ZNF804A: variants seen among roughly 807,000 people sequenced by gnomAD.
The protein encoded by ZNF804A is zinc finger protein 804A.
Under a neutral mutation model 16.5 loss-of-function variants are expected in ZNF804A, and 2 were observed. The ratio of observed to expected loss-of-function variants is 0.12; its 90% CI spans 0.05 to 0.38. The LOEUF is 0.38. Ranked by LOEUF, ZNF804A falls within the 10% of genes least tolerant of loss-of-function variation. The probability of loss-of-function intolerance (pLI) is 0.99; values close to 1 mark genes in which losing one functional copy is unlikely to be tolerated. For synonymous variants in ZNF804A, 534 were observed against 489.6 expected (o/e 1.09, Z -1.20); for missense variants, 1,473 against 1,390.7 (o/e 1.06, Z -0.94).
intron 1 of ZNF804A, among the ~76,000 whole-genome samples, chr2:184,821,194 T>C (rs892711873): frequency 6.6e-6 from 1 of 152,124 alleles, no homozygotes; most frequent in Non-Finnish European, 1.5e-5. Context: ...CCAAACAGCA[T>C]GGTACTGGTA....
At chr2:184,706,701 A>G (rs1055128214) in intron 1 of ZNF804A, among the ~76,000 whole-genome samples, 3 of 152,164 alleles carry the variant, frequency 2.0e-5, no homozygotes, top group Non-Finnish European at 4.4e-5. Context: ...TTAGGACTAC[A>G]TATTAGACCA....
chr2:184,890,444 G>A (rs1684963080), intron 2 of ZNF804A, among the ~76,000 whole-genome samples: 1 of 152,020 alleles, frequency 6.6e-6, no homozygotes, highest in Non-Finnish European at 1.5e-5. Flanking sequence ...AAAGTGAAGT[G>A]AGTTCAGTTT....
intron 1 of ZNF804A, among the ~76,000 whole-genome samples, chr2:184,753,591 T>G (rs988828158): frequency 5.9e-5 from 9 of 151,840 alleles, no homozygotes; most frequent in African/African-American, 2.2e-4. Flanking sequence ...TGGAATCTAA[T>G]AGGTGTCCTA....
At chr2:184,721,491 A>T (rs1036048722) in intron 1 of ZNF804A, among the ~76,000 whole-genome samples, 1 of 152,170 alleles carries the variant, frequency 6.6e-6, no homozygotes, top group African/African-American at 2.4e-5. Flanking sequence ...AATGCTTAAC[A>T]TCACTAGTCA....
At chr2:184,645,172 A>C (rs1444380801) in intron 1 of ZNF804A, among the ~76,000 whole-genome samples, 1 of 152,092 alleles carries the variant, frequency 6.6e-6, no homozygotes, top group African/African-American at 2.4e-5. Context: ...AAGTAACACA[A>C]TTATTTCTAT....
chr2:184,600,718 C>A (rs968558236), intron 1 of ZNF804A, among the ~76,000 whole-genome samples: 5 of 152,054 alleles, frequency 3.3e-5, no homozygotes, highest in Admixed American at 2.0e-4. Context: ...AAGTTATTTT[C>A]CAAACCTCAA....
At chr2:184,611,272 A>G (rs1691233583) in intron 1 of ZNF804A, among the ~76,000 whole-genome samples, 1 of 152,126 alleles carries the variant, frequency 6.6e-6, no homozygotes, top group Non-Finnish European at 1.5e-5. Flanking sequence ...ATTTCAACAT[A>G]TACTTTTTTT....
chr2:184,937,656 G>A lies in ZNF804A; in HGVS notation c.2260G>A (p.Val754Ile). ...DMKHMSQNQA[V>I]KRGYNSVMNE... ...GAAACACATGAGTCAGAATCAGGCTGTTAAAAGAGGTTACAATTCTGTCAT... is the reference window on the plus strand; with the variant it reads ...GAAACACATGAGTCAGAATCAGGCTATTAAAAGAGGTTACAATTCTGTCAT... Residue 754 changes from valine (V) to isoleucine (I), a missense_variant, in exon 4 of 4, where the codon GTT becomes ATT. Transcript: ENST00000302277. 4 of 1,614,006 alleles carry A rather than the reference G, an allele frequency of 2.5e-6. No individual in the cohort carries two copies. The highest frequency in any genetic ancestry group is 1.7e-4 in the Middle Eastern group (1 of 6,060).
intron 1 of ZNF804A, among the ~76,000 whole-genome samples, chr2:184,849,998 A>G (rs1180242408): frequency 6.6e-6 from 1 of 151,966 alleles, no homozygotes; most frequent in Non-Finnish European, 1.5e-5. Context: ...TCTCACTCAT[A>G]TGTAGAACCT....
chr2:184,893,269 C>G (rs1052437716), intron 2 of ZNF804A, among the ~76,000 whole-genome samples: 22 of 151,920 alleles, frequency 1.4e-4, no homozygotes, highest in Non-Finnish European at 2.6e-4. Flanking sequence ...GGTAAGGTAA[C>G]TTGATTTAGT....
intron 1 of ZNF804A, among the ~76,000 whole-genome samples, chr2:184,718,209 T>C (rs1276934193): frequency 6.6e-6 from 1 of 151,460 alleles, no homozygotes; most frequent in East Asian, 2.0e-4. Context: ...CATCAGATCT[T>C]GTGAGACTCA....
At chr2:184,858,452 C>T (rs1421188879) in intron 1 of ZNF804A, among the ~76,000 whole-genome samples, 14 of 149,474 alleles carry the variant, frequency 9.4e-5, no homozygotes, top group African/African-American at 3.2e-4. Context: ...TGCAGTGAGC[C>T]GAGATCGCGC....
chr2:184,939,110 T>G lies in ZNF804A; in HGVS notation c.*84T>G. Reference sequence around the variant, plus strand: ...GTTCATCTATGTGGGTACATGGCTATTTAACTGGTGGAAATAAACTGGCCG... The same window carrying G: ...GTTCATCTATGTGGGTACATGGCTAGTTAACTGGTGGAAATAAACTGGCCG... On this transcript the variant is annotated 3_prime_UTR_variant, in exon 4 of 4. Coordinates refer to ENST00000302277, the MANE Select transcript of ZNF804A (RefSeq NM_194250.2). 1 of 1,505,490 alleles carries G rather than the reference T, an allele frequency of 6.6e-7. No individual in the cohort carries two copies. The highest frequency in any genetic ancestry group is 8.9e-7 in the Non-Finnish European group (1 of 1,119,560). The allele number at this position is 1,505,490 out of a possible 1,614,324, so 93.3% of individuals were successfully genotyped here.
chr2:184,868,675 GTA>G (rs1384407830), intron 2 of ZNF804A, among the ~76,000 whole-genome samples: 2 of 151,998 alleles, frequency 1.3e-5, no homozygotes, highest in African/African-American at 2.4e-5. Flanking sequence ...ACAATTGAGA[GTA>G]TGGAAATAGC....
In ZNF804A at chr2:184,937,042, A is replaced by C. The variant is rs778837335; in HGVS notation, c.1646A>C (p.Lys549Thr). 4.4e-6 allele frequency: 7 copies of C among 1,608,784 alleles called. No homozygotes were observed. Among genetic ancestry groups the C allele is most frequent in the Non-Finnish European group, 1.7e-6 (2 of 1,178,448 alleles). ...GKNENTGQRY[K>T]NISCKIRETE... The stretch of plus-strand genomic sequence containing the variant: ...AATGAGAACACAGGTCAGAGGTATA[A>C]AAACATTTCCTGTAAGATCAGAGAA... Residue 549 changes from lysine (K) to threonine (T), a missense_variant, in exon 4 of 4, where the codon AAA becomes ACA. By Grantham distance (78) the Lys-to-Thr change is moderately conservative (BLOSUM62 -1). Transcript: ENST00000302277.
chr2:184,694,303 A>G (rs1692784894), intron 1 of ZNF804A, among the ~76,000 whole-genome samples: 1 of 152,106 alleles, frequency 6.6e-6, no homozygotes, highest in East Asian at 1.9e-4. Context: ...TGCAAATGAT[A>G]TAAAAATTTC....
chr2:184,763,682 G>A (rs1244052429), intron 1 of ZNF804A, among the ~76,000 whole-genome samples: 27 of 108,194 alleles, frequency 2.5e-4, no homozygotes, highest in Admixed American at 3.0e-4. Context: ...TTGCTCCGTC[G>A]CCCAGGCTGG....
chr2:184,612,684 C>A (rs185207040), intron 1 of ZNF804A, among the ~76,000 whole-genome samples: 1 of 152,222 alleles, frequency 6.6e-6, no homozygotes. Flanking sequence ...ATCTGCCCAC[C>A]TCGGCCTCCC....
intron 1 of ZNF804A, among the ~76,000 whole-genome samples, chr2:184,801,038 C>T (rs7574128): frequency 0.98 from 148,363 of 152,156 alleles, 72,417 homozygotes; most frequent in Non-Finnish European, 1. Flanking sequence ...AGTTTTTATA[C>T]TGTTGAGAAT....
Sources: gnomAD v4.1 joint callset for allele counts (sites outside exome capture counted in the v4.1 genomes callset) on GRCh38, gnomAD v4.1.1 for gene constraint, MANE v1.5 for transcripts, NCBI Gene and HGNC (gene_info 2026-07-23, HGNC 2026-07-21) for gene names.